Variants in RECQL5 observed in about 807,000 individuals in gnomAD.
RECQL5 encodes ATP-dependent DNA helicase Q5.
A neutral mutation model predicts 103.4 loss-of-function variants in RECQL5; 88 were observed. The ratio of observed to expected loss-of-function variants is 0.85; its 90% CI spans 0.72 to 1.02. The LOEUF (loss-of-function observed/expected upper bound fraction) is 1.02. Ranked by LOEUF, RECQL5 falls within the 50% of genes least tolerant of loss-of-function variation. The pLI is 0.00. For missense variants in RECQL5, 1,232 were observed against 1,284.3 expected, an observed-to-expected ratio of 0.96 and a Z score of 0.62; for synonymous variants, 552 against 507.9, an observed-to-expected ratio of 1.09 and a Z score of -1.17.
chr17:75,655,470 T>G (rs372498128), intron 7 of RECQL5, among the ~76,000 whole-genome samples: 1 of 150,920 alleles, frequency 6.6e-6, no homozygotes, highest in African/African-American at 2.4e-5. Context: ...TTCATGCCAT[T>G]CTCCTGCCTC....
intron 6 of RECQL5, among the ~76,000 whole-genome samples, chr17:75,659,250 C>T (rs902934584): frequency 2.0e-5 from 3 of 152,038 alleles, no homozygotes; most frequent in African/African-American, 7.2e-5. Flanking sequence ...TTAGTAGAGA[C>T]GGGGTTTCAC....
intron 8 of RECQL5, among the ~76,000 whole-genome samples, chr17:75,633,081 C>T (rs772658060): frequency 9.2e-5 from 14 of 152,346 alleles, no homozygotes; most frequent in Admixed American, 7.8e-4. Context: ...CTGGGACAGC[C>T]GAGGCGGCCA....
chr17:75,661,154 G>T, intron 5 of RECQL5, 88 bp from the exon 6 acceptor site: 1 of 963,132 alleles, frequency 1.0e-6, no homozygotes, highest in Non-Finnish European at 1.7e-6. Context: ...TGTGTGCTAG[G>T]CACTTCACAA....
intron 8 of RECQL5, chr17:75,647,710 T>C: frequency 1.3e-6 from 1 of 766,174 alleles, no homozygotes; most frequent in Non-Finnish European, 2.1e-6. Flanking sequence ...TCTAGTAAAA[T>C]ACTGTATCTG....
At position 75,640,112 on chromosome 17, in the gene RECQL5, C is replaced by CG. The variant is rs1326005384; in HGVS notation, c.1230-8445dup. 7.0e-7 allele frequency: 1 copy of CG among 1,436,712 alleles called. No individual in the cohort carries two copies. Among genetic ancestry groups the CG allele is most frequent in the Admixed American group, 2.7e-5 (1 of 36,858 alleles). 89.0% of individuals were successfully genotyped at this position (1,436,712 alleles called of 1,614,324 possible). ...GTGCGAGGGTGGAATCTCGGTGCTGCGACGAGTGTGGGGCCAGCCGTGGAG... is the reference window on the plus strand; with the variant it reads ...GTGCGAGGGTGGAATCTCGGTGCTGCGGACGAGTGTGGGGCCAGCCGTGGAG... On this transcript the variant is annotated intron_variant, in intron 8 of 19. Coordinates refer to ENST00000317905, the MANE Select transcript of RECQL5 (RefSeq NM_004259.7). This position sits in a 1 kb window ranked among gnomAD's most constrained non-coding sequence, Gnocchi z 4.6.
In RECQL5 at chr17:75,629,368, G is replaced by A. The variant is rs760428344; in HGVS notation, c.2055C>T (p.Pro685=). 1.9e-5 allele frequency: 28 copies of A among 1,510,954 alleles called. No homozygotes were observed. The East Asian group carries it at 3.2e-4, about 17-fold the overall frequency. 93.6% of individuals were successfully genotyped at this position (1,510,954 alleles called of 1,614,324 possible). Reference sequence around the variant, plus strand: ...GGGGCTCGTGCTCGCCTCCCCGCTCGGGCTGGGGGGCTTGCTCCCTGATCC... The same window carrying A: ...GGGGCTCGTGCTCGCCTCCCCGCTCAGGCTGGGGGGCTTGCTCCCTGATCC... The part of the protein sequence containing the change: ...TTRIREQAPQ[P]ERGGEHEPPS... Residue 685 remains proline, a synonymous_variant, in exon 16 of 20, where the codon CCC becomes CCT. Transcript: ENST00000317905.
In RECQL5 at chr17:75,651,664, T is replaced by G. The variant is rs368683795; in HGVS notation, c.1150-399A>C. On this transcript the variant is annotated intron_variant, in intron 7 of 19. Transcript: ENST00000317905. ...ACAGTAATAAAGCCATTTACAAAAG[T>G]GTCCCCAAACCTGACTATGTATCAT... Among the ~76,000 whole-genome samples the G allele has an allele frequency of 8.2e-4, 125 of 152,264 alleles. 2 individuals are homozygous for G. The South Asian group carries it at 0.017, about 21-fold the overall frequency.
chr17:75,629,374 G>C lies in RECQL5; in HGVS notation c.2049C>G (p.Pro683=). ...METTRIREQA[P]QPERGGEHEP... Reference sequence around the variant, plus strand: ...CGTGCTCGCCTCCCCGCTCGGGCTGGGGGGCTTGCTCCCTGATCCGAGTTG... The same window carrying C: ...CGTGCTCGCCTCCCCGCTCGGGCTGCGGGGCTTGCTCCCTGATCCGAGTTG... Residue 683 remains proline, a synonymous_variant, in exon 16 of 20, where the codon CCC becomes CCG. Transcript: ENST00000317905. 1 of 1,511,596 alleles carries C rather than the reference G, an allele frequency of 6.6e-7. No individual in the cohort carries two copies. Among genetic ancestry groups the C allele is most frequent in the Non-Finnish European group, 8.8e-7 (1 of 1,130,696 alleles). 93.6% of individuals were successfully genotyped at this position (1,511,596 alleles called of 1,614,324 possible).
Position 75,631,586 on chromosome 17 carries a change from T to C in RECQL5, c.1312A>G (p.Thr438Ala), listed in dbSNP as rs199937273. 295 of 1,612,936 alleles carry C rather than the reference T, an allele frequency of 1.8e-4. 1 individual carries two copies. Among genetic ancestry groups the C allele is most frequent in the East Asian group, 1.5e-3 (66 of 44,876 alleles). ...AKGCDHCQNP[T>A]AVRRRLEALE... ...GCCTCCAGCCGCCTCCGCACGGCCG[T>C]GGGGTTCTGGCAGTGGTCGCAGCCT... The change falls in exon 9 of 20, where the codon ACG becomes GCG. Residue 438 changes from threonine to alanine, a missense_variant. Coordinates refer to ENST00000317905, the MANE Select transcript of RECQL5 (RefSeq NM_004259.7).
In RECQL5 at chr17:75,630,852, G is replaced by GT; in HGVS notation, c.1586-16_1586-15insA. On this transcript the variant is annotated splice_polypyrimidine_tract_variant and intron_variant, in intron 11 of 19. Coordinates refer to ENST00000317905, the MANE Select transcript of RECQL5 (RefSeq NM_004259.7). ...ACAGTTCTCATCTGTGGGGGGGGGG[G>GT]GTGGTCCTTGGTCCTTTCGCTCCAC... is the stretch of plus-strand genomic sequence containing the variant. 7.0e-7 allele frequency: 1 copy of GT among 1,433,560 alleles called. No homozygotes were observed. Among genetic ancestry groups the GT allele is most frequent in the Non-Finnish European group, 9.4e-7 (1 of 1,060,288 alleles). 88.8% of individuals were successfully genotyped at this position (1,433,560 alleles called of 1,614,324 possible). A position where few individuals can be genotyped will look rare whatever the true frequency, so the allele number is the denominator to read the frequency against.
Position 75,648,663 on chromosome 17 carries a change from C to G in RECQL5, c.1229+2523G>C, listed in dbSNP as rs1383552064. On this transcript the variant is annotated intron_variant, in intron 8 of 19. Coordinates refer to ENST00000317905, the MANE Select transcript of RECQL5 (RefSeq NM_004259.7). The stretch of plus-strand genomic sequence containing the variant: ...CTAGGATTACACGCATGAGCCACGG[C>G]GCCCGGCCTTTTTTTTTTTTTTTTT... Among the ~76,000 whole-genome samples, 5 of 134,252 alleles carry G rather than the reference C, an allele frequency of 3.7e-5. 1 individual carries two copies. In the East Asian group the frequency reaches 1.1e-3, roughly 30 times the overall value. 88.1% of individuals were successfully genotyped at this position (134,252 alleles called of 152,430 possible). A position where few individuals can be genotyped will look rare whatever the true frequency, so the allele number is the denominator to read the frequency against.
intron 6 of RECQL5, 136 bp downstream of exon 6, chr17:75,660,819 A>G: frequency 1.4e-6 from 1 of 702,534 alleles, no homozygotes; most frequent in South Asian, 1.6e-5. Flanking sequence ...GCTGTATTCT[A>G]AGGACTCTCT....
intron 8 of RECQL5, among the ~76,000 whole-genome samples, chr17:75,632,324 C>A (rs78201777): frequency 0.042 from 6,442 of 152,306 alleles, 408 homozygotes; most frequent in African/African-American, 0.14. Context: ...CAAGCTGTAG[C>A]GCATGGCCTG....
chr17:75,662,409 T>C (rs820159), intron 4 of RECQL5, 70 bp downstream of exon 4: 1,487,599 of 1,503,364 alleles, frequency 0.99, 736,325 homozygotes, highest in East Asian at 1. Context: ...GGTCTTAGAC[T>C]AATCTCCATC....
At chr17:75,648,571 C>T (rs1227181530) in intron 8 of RECQL5, among the ~76,000 whole-genome samples, 1 of 151,194 alleles carries the variant, frequency 6.6e-6, no homozygotes, top group Non-Finnish European at 1.5e-5. Context: ...GATGGGGTTT[C>T]ACCGTGTTAG....
chr17:75,637,065 C>G (rs892415994), intron 8 of RECQL5: 1 of 152,308 alleles, frequency 6.6e-6, no homozygotes, highest in African/African-American at 2.4e-5. Context: ...CACTTTGCAG[C>G]CCCTGGAGGA....
chr17:75,666,754 T>C (rs1189447170), intron 1 of RECQL5, 183 bp from the exon 2 acceptor site: 4 of 598,450 alleles, frequency 6.7e-6, no homozygotes, highest in Non-Finnish European at 2.9e-6. Context: ...AATTAACATC[T>C]CCACTTTTAC....
Position 75,628,431 on chromosome 17 carries a change from C to G in RECQL5, c.2592G>C (p.Glu864Asp), listed in dbSNP as rs375299522. The change falls in exon 18 of 20, where the codon GAG becomes GAC. Residue 864 changes from glutamate to aspartate, a missense_variant. Transcript: ENST00000317905. ...GGCGTGGCCTCTTCTGAGGCTGGCT[C>G]TCTGGGTTCTCCTGAGAAGGGCCAC... ...KRPRSQQENPESQPQKRPRPS... is the reference protein window; with the variant it reads ...KRPRSQQENPDSQPQKRPRPS... The G allele has an allele frequency of 4.0e-5, 64 of 1,613,388 alleles. No individual in the cohort carries two copies. The highest frequency in any genetic ancestry group is 5.4e-5 in the Non-Finnish European group (64 of 1,180,000).
intron 3 of RECQL5, among the ~76,000 whole-genome samples, chr17:75,663,354 G>A (rs1241455791): frequency 2.0e-5 from 3 of 151,596 alleles, no homozygotes; most frequent in African/African-American, 7.3e-5. Context: ...ATGACGTTGT[G>A]CACATGTACC....
Sources: gnomAD v4.1 joint callset for allele counts (sites outside exome capture counted in the v4.1 genomes callset) on GRCh38, gnomAD v4.1.1 for gene constraint, Gnocchi (gnomAD v3.1) non-coding constraint, MANE v1.5 for transcripts, NCBI Gene and HGNC (gene_info 2026-07-23, HGNC 2026-07-21) for gene names.